The following CCSER1 variants were observed in gnomAD, a reference collection of about 807,000 sequenced individuals.
CCSER1 encodes the protein coiled-coil serine rich protein 1.
A neutral mutation model predicts 82.0 loss-of-function variants in CCSER1; 41 were observed. That is an observed-to-expected ratio of 0.50 (90% CI 0.39 to 0.65). CCSER1 has a LOEUF of 0.65. Among genes scored for constraint, CCSER1 ranks in the 30% least tolerant of loss-of-function variants. CCSER1 has a pLI of 0.00. For missense variants in CCSER1, 1,119 were observed against 1,064.2 expected, an observed-to-expected ratio of 1.05 and a Z score of -0.72; for synonymous variants, 414 against 383.9, an observed-to-expected ratio of 1.08 and a Z score of -0.92.
At chr4:91,559,381 A>AAGTTCAT (rs1762552865) in intron 10 of CCSER1, among the ~76,000 whole-genome samples, 1 of 151,574 alleles carries the variant, frequency 6.6e-6, no homozygotes, top group African/African-American at 2.4e-5. Flanking sequence ...GCTGTTCTCT[A>AAGTTCAT]AGTTCATTGT....
In CCSER1 at chr4:91,457,720, C is replaced by T. The variant is rs148465157; in HGVS notation, c.2218-140852C>T. Among the ~76,000 whole-genome samples, 88 of 151,948 alleles carry T rather than the reference C, an allele frequency of 5.8e-4. 1 individual carries two copies. The East Asian group carries it at 0.017, about 29-fold the overall frequency. On this transcript the variant is annotated intron_variant, in intron 10 of 10. Transcript: ENST00000509176. ...TTTTACTTGAGATTTTTTTGTATTA[C>T]AATTTTTAACATGTTAATTTTAAAA...
intron 4 of CCSER1, among the ~76,000 whole-genome samples, chr4:90,411,208 G>A (rs1754720707): frequency 1.3e-5 from 2 of 152,106 alleles, no homozygotes; most frequent in African/African-American, 4.8e-5. Flanking sequence ...AGGAGGAGCT[G>A]GTACCATTCC....
intron 7 of CCSER1, among the ~76,000 whole-genome samples, chr4:90,737,496 C>A (rs1745855602): frequency 6.6e-6 from 1 of 152,126 alleles, no homozygotes; most frequent in Non-Finnish European, 1.5e-5. Flanking sequence ...TGAATAGGAG[C>A]TCCATTGTAT....
intron 8 of CCSER1, among the ~76,000 whole-genome samples, chr4:90,834,271 T>G (rs1761506896): frequency 1.3e-5 from 2 of 152,288 alleles, no homozygotes; most frequent in African/African-American, 2.4e-5. Flanking sequence ...AGTGAATAAT[T>G]TATTTCTTGC....
chr4:91,176,137 A>T (rs1422847991), intron 10 of CCSER1, among the ~76,000 whole-genome samples: 3 of 152,008 alleles, frequency 2.0e-5, no homozygotes, highest in Non-Finnish European at 2.9e-5. Flanking sequence ...ATGGTTGTAG[A>T]TGTGTGGTAT....
chr4:90,411,034 A>G (rs556385423), intron 4 of CCSER1, among the ~76,000 whole-genome samples: 1 of 152,360 alleles, frequency 6.6e-6, no homozygotes, highest in African/African-American at 2.4e-5. Flanking sequence ...GAAGAAATGG[A>G]TAAATTCCTG....
chr4:90,452,291 G>C (rs1761561286), intron 4 of CCSER1, among the ~76,000 whole-genome samples: 1 of 152,194 alleles, frequency 6.6e-6, no homozygotes, highest in African/African-American at 2.4e-5. Context: ...TCGTCTGGGA[G>C]GAAGGTGGCT....
intron 10 of CCSER1, among the ~76,000 whole-genome samples, chr4:91,322,363 C>A (rs1746257511): frequency 6.6e-6 from 1 of 151,750 alleles, no homozygotes. Context: ...TAGATTTTAG[C>A]TCTTCCCCAT....
At chr4:90,741,039 AG>A (rs1481422543) in intron 7 of CCSER1, among the ~76,000 whole-genome samples, 1 of 152,166 alleles carries the variant, frequency 6.6e-6, no homozygotes. Context: ...AATTGGCCAA[AG>A]TGAGGATTCT....
chr4:91,133,513 G>A (rs756812491), intron 10 of CCSER1, among the ~76,000 whole-genome samples: 5 of 152,130 alleles, frequency 3.3e-5, no homozygotes, highest in African/African-American at 4.8e-5. Context: ...GTAGATTGAC[G>A]CCTCTGGTAT....
intron 1 of CCSER1, among the ~76,000 whole-genome samples, chr4:90,298,211 T>G (rs1289053991): frequency 2.6e-5 from 4 of 152,112 alleles, no homozygotes; most frequent in African/African-American, 4.8e-5. Context: ...TTCTTCCTGG[T>G]TTAGTCTTGG....
intron 10 of CCSER1, among the ~76,000 whole-genome samples, chr4:91,352,564 C>T (rs1352232826): frequency 1.3e-5 from 2 of 152,116 alleles, no homozygotes; most frequent in African/African-American, 4.8e-5. Context: ...TTTGAAAAAG[C>T]ACACAGAATA....
At chr4:90,554,570 C>G (rs1387271052) in intron 5 of CCSER1, among the ~76,000 whole-genome samples, 2 of 152,140 alleles carry the variant, frequency 1.3e-5, no homozygotes, top group Non-Finnish European at 2.9e-5. Flanking sequence ...GCATGAAGGA[C>G]AGCTCATATA....
rs1333715197 is a variant in CCSER1 at position 91,143,884 on chromosome 4, T to C, written c.2217+57890T>C. Among the ~76,000 whole-genome samples, 8 of 152,090 alleles carry C rather than the reference T, an allele frequency of 5.3e-5. No individual in the cohort carries two copies. The East Asian group carries it at 1.5e-3, about 29-fold the overall frequency. Reference sequence around the variant, plus strand: ...CTGCTGGGTTTGGCTTGGCAGTATTTTATTAAGGCTTTTTGTATCTATGTT... The same window carrying C: ...CTGCTGGGTTTGGCTTGGCAGTATTCTATTAAGGCTTTTTGTATCTATGTT... On this transcript the variant is annotated intron_variant, in intron 10 of 10. Coordinates refer to ENST00000509176, the MANE Select transcript of CCSER1 (RefSeq NM_001145065.2).
intron 10 of CCSER1, among the ~76,000 whole-genome samples, chr4:91,247,298 T>C (rs1739873836): frequency 9.0e-6 from 1 of 110,632 alleles, no homozygotes; most frequent in East Asian, 2.6e-4. Flanking sequence ...CAAGACTCCG[T>C]CTCAAAAAAA....
intron 1 of CCSER1, among the ~76,000 whole-genome samples, chr4:90,133,292 G>T (rs1723109918): frequency 6.6e-6 from 1 of 152,142 alleles, no homozygotes; most frequent in Non-Finnish European, 1.5e-5. Context: ...GCTTGTGCAA[G>T]AATTTGCTGT....
chr4:91,254,063 G>A (rs1324791553), intron 10 of CCSER1, among the ~76,000 whole-genome samples: 2 of 152,232 alleles, frequency 1.3e-5, no homozygotes, highest in Non-Finnish European at 2.9e-5. Flanking sequence ...AACTATATCA[G>A]TAACAGACTA....
intron 1 of CCSER1, among the ~76,000 whole-genome samples, chr4:90,277,774 A>G (rs534989782): frequency 1.5e-3 from 232 of 152,272 alleles, no homozygotes; most frequent in African/African-American, 5.5e-3. Context: ...AGCCTTGGCA[A>G]TAATTTATGA....
Position 91,272,512 on chromosome 4 carries a change from T to C in CCSER1, c.2217+186518T>C, listed in dbSNP as rs527274427. On this transcript the variant is annotated intron_variant, in intron 10 of 10. Transcript: ENST00000509176. ...CTGGGTATTTGTCCTTTGTCAGATATATAGATTGTGAAGATTTTCTCCCAC... is the reference window on the plus strand; with the variant it reads ...CTGGGTATTTGTCCTTTGTCAGATACATAGATTGTGAAGATTTTCTCCCAC... Among the ~76,000 whole-genome samples the C allele has an allele frequency of 1.1e-4, 17 of 152,322 alleles. No homozygotes were observed. The South Asian group carries it at 3.3e-3, about 30-fold the overall frequency.
Sources: gnomAD v4.1 joint callset for allele counts (sites outside exome capture counted in the v4.1 genomes callset) on GRCh38, gnomAD v4.1.1 for gene constraint, MANE v1.5 for transcripts, NCBI Gene and HGNC (gene_info 2026-07-23, HGNC 2026-07-21) for gene names.